The following DPP8 variants were observed in gnomAD, a reference collection of about 807,000 sequenced individuals.
The protein encoded by DPP8 is DPP VIII.
DPP8 carries 31 observed loss-of-function variants against 107.5 expected under a neutral mutation model. That is an observed-to-expected ratio of 0.29 (90% CI 0.22 to 0.39). The LOEUF (loss-of-function observed/expected upper bound fraction) is 0.39, where lower values mean the gene tolerates loss of function less well. Ranked by LOEUF, DPP8 falls within the 10% of genes least tolerant of loss-of-function variation. The probability of loss-of-function intolerance (pLI) is 1.00; values close to 1 mark genes in which losing one functional copy is unlikely to be tolerated. For synonymous variants in DPP8, 381 were observed against 356.6 expected (o/e 1.07, Z -0.77); for missense variants, 842 against 1,076.1 (o/e 0.78, Z 3.04).
rs1270279189 is a variant in DPP8 at position 65,448,876 on chromosome 15, A to ATGTGTG, written c.2527-1871_2527-1870insCACACA. ...ACATATATATCTAAAATATATATAT[A>ATGTGTG]TATATATATATATATATATATATAT... On this transcript the variant is annotated intron_variant, in intron 19 of 19. Coordinates refer to ENST00000300141, the MANE Select transcript of DPP8 (RefSeq NM_130434.5). Among the ~76,000 whole-genome samples, 195 of 30,498 alleles carry ATGTGTG rather than the reference A, an allele frequency of 6.4e-3. 10 individuals carry two copies. The highest frequency in any genetic ancestry group is 0.032 in the African/African-American group (163 of 5,168). The allele number at this position is 30,498 out of a possible 152,430, so 20.0% of individuals were successfully genotyped here.
rs1474387233 is a variant in DPP8, at chr15:65,479,006, G to C, written c.1330C>G (p.His444Asp). The C allele has an allele frequency of 3.2e-6, 5 of 1,584,852 alleles. No individual in the cohort carries two copies. The South Asian group carries it at 4.7e-5, about 15-fold the overall frequency. ...HDIFHVFPQS[H>D]EEEIEFIFAS... Reference sequence around the variant, plus strand: ...AAAATAAACTCAATTTCCTCTTCGTGACTTTGGGGAAAAACATGAAAGATG... The same window carrying C: ...AAAATAAACTCAATTTCCTCTTCGTCACTTTGGGGAAAAACATGAAAGATG... The change falls in exon 11 of 20, where the codon CAC becomes GAC. Residue 444 changes from histidine (H) to aspartate (D), a missense_variant. By Grantham distance (81) the His-to-Asp change is moderately conservative. Around this residue, in one of 2 missense-constraint regions of DPP8, gnomAD observed 663 missense variants for 758.0 expected, o/e 0.87. Transcript: ENST00000300141.
At position 65,508,387 on chromosome 15, in the gene DPP8, G is replaced by C. The variant is rs189783964; in HGVS notation, c.260-1032C>G. On this transcript the variant is annotated intron_variant, in intron 2 of 19. Coordinates refer to ENST00000300141, the MANE Select transcript of DPP8 (RefSeq NM_130434.5). ...TTATTGGGGAAGGGCAAAGGAAAAA[G>C]GTCTAAATTAAGTAGAAGCCAAATC... 3.0e-3 allele frequency among the ~76,000 whole-genome samples: 459 copies of C among 152,266 alleles called. 1 individual carries two copies. Among genetic ancestry groups the C allele is most frequent in the Non-Finnish European group, 4.6e-3 (313 of 68,036 alleles).
chr15:65,516,339 C>T (rs541332341), intron 1 of DPP8: 1 of 151,894 alleles, frequency 6.6e-6, no homozygotes, highest in South Asian at 2.1e-4. Context: ...ATCTTAAGTG[C>T]ATTCCATTTT....
rs377350851 is a variant in DPP8 at position 65,481,575 on chromosome 15, T to C, written c.1058A>G (p.Glu353Gly). The C allele has an allele frequency of 8.4e-5, 133 of 1,590,050 alleles. No individual in the cohort carries two copies. Among genetic ancestry groups the C allele is most frequent in the Non-Finnish European group, 1.1e-4 (132 of 1,170,438 alleles). ...ATATTCAACTCCTTCAAATAGAATC[T>C]CAAAAGGTTGAATTAGTTCCTTATC... Reference protein sequence around the residue: ...VIDKELIQPFEILFEGVEYIA... With the variant: ...VIDKELIQPFGILFEGVEYIA... Residue 353 changes from glutamate to glycine, a missense_variant, in exon 9 of 20, where the codon GAG becomes GGG. Transcript: ENST00000300141.
At chr15:65,474,543 T>C (rs1332996665) in intron 11 of DPP8, among the ~76,000 whole-genome samples, 1 of 152,200 alleles carries the variant, frequency 6.6e-6, no homozygotes, top group Non-Finnish European at 1.5e-5. Flanking sequence ...TGCAGCGGCA[T>C]GATCACAGCT....
intron 14 of DPP8, among the ~76,000 whole-genome samples, chr15:65,465,161 T>C (rs1050186955): frequency 2.7e-5 from 4 of 148,800 alleles, no homozygotes; most frequent in African/African-American, 1.0e-4. Flanking sequence ...TACTAATTTG[T>C]TTTTTCTTTT....
In DPP8 at chr15:65,445,683, T is replaced by G. The variant is rs968271198; in HGVS notation, c.*1201A>C. 1 of 153,282 alleles carries G rather than the reference T, an allele frequency of 6.5e-6. No individual in the cohort carries two copies. The highest frequency in any genetic ancestry group is 1.5e-5 in the Non-Finnish European group (1 of 67,984). 9.5% of individuals were successfully genotyped at this position (153,282 alleles called of 1,614,324 possible). A position where few individuals can be genotyped will look rare whatever the true frequency, so the allele number is the denominator to read the frequency against. ...TTTAAAAGGATAAAGTTTAAATTTG[T>G]AAGATTTCTAAACCTAAGAGGAAAA... On this transcript the variant is annotated 3_prime_UTR_variant, in exon 20 of 20. Coordinates refer to ENST00000300141, the MANE Select transcript of DPP8 (RefSeq NM_130434.5).
chr15:65,490,153 A>T, intron 6 of DPP8, 36 bp downstream of exon 6: 1 of 1,034,198 alleles, frequency 9.7e-7, no homozygotes, highest in Non-Finnish European at 1.5e-6. Flanking sequence ...ACAATACTTT[A>T]ATTGACCCAT....
intron 6 of DPP8, among the ~76,000 whole-genome samples, chr15:65,488,060 A>T (rs1258663013): frequency 6.6e-6 from 1 of 152,196 alleles, no homozygotes; most frequent in Non-Finnish European, 1.5e-5. Flanking sequence ...AAAACAGGGA[A>T]AAACATTTTT....
chr15:65,463,276 C>T (rs1412030049), intron 15 of DPP8, among the ~76,000 whole-genome samples: 4 of 152,192 alleles, frequency 2.6e-5, no homozygotes, highest in Non-Finnish European at 4.4e-5. Flanking sequence ...CGGTGGCTCA[C>T]GCCTGTAATC....
chr15:65,502,465 G>A (rs975130774), intron 3 of DPP8, among the ~76,000 whole-genome samples: 8 of 152,158 alleles, frequency 5.3e-5, no homozygotes, highest in African/African-American at 1.7e-4. Context: ...ATCACCCGTG[G>A]TCAGGAGTTC....
Position 65,467,137 on chromosome 15 carries a change from G to A in DPP8, c.1623C>T (p.Tyr541=), listed in dbSNP as rs531015904. ...GCCTTGTCACCTCTCCAGGATTTAC[G>A]TAACTGACTACGTACAGGTGATGCT... is the stretch of plus-strand genomic sequence containing the variant. ...PLEHHLYVVS[Y]VNPGEVTRLT... Residue 541 remains tyrosine (Y), a synonymous_variant, in exon 13 of 20, where the codon TAC becomes TAT. Coordinates refer to ENST00000300141, the MANE Select transcript of DPP8 (RefSeq NM_130434.5). 32 of 1,614,110 alleles carry A rather than the reference G, an allele frequency of 2.0e-5. No homozygotes were observed. Among genetic ancestry groups the A allele is most frequent in the African/African-American group, 5.3e-5 (4 of 75,034 alleles).
chr15:65,478,872 T>C lies in DPP8; in HGVS notation c.1456+8A>G. 1 of 1,551,486 alleles carries C rather than the reference T, an allele frequency of 6.4e-7. No individual in the cohort carries two copies. Among genetic ancestry groups the C allele is most frequent in the Non-Finnish European group, 8.7e-7 (1 of 1,155,314 alleles). On this transcript the variant is annotated splice_region_variant and intron_variant, in intron 11 of 19. Transcript: ENST00000300141. ...TTTTCTTTTTTTAAAATAAAATGGA[T>C]TTCTTACTTGGAGCAGGCAGCCCAC...
intron 7 of DPP8, among the ~76,000 whole-genome samples, chr15:65,486,278 T>C (rs1457226287): frequency 6.6e-6 from 1 of 151,174 alleles, no homozygotes; most frequent in Non-Finnish European, 1.5e-5. Flanking sequence ...GGCGGGCGCC[T>C]GTAATCCCAG....
At chr15:65,488,603 C>CAAAAAA (rs1166493197) in intron 6 of DPP8, among the ~76,000 whole-genome samples, 869 of 45,280 alleles carry the variant, frequency 0.019, 34 homozygotes, top group African/African-American at 0.071. Context: ...GACCCTGCCT[C>CAAAAAA]AAAAAAAAAA....
chr15:65,497,182 C>T (rs907901492), intron 5 of DPP8, among the ~76,000 whole-genome samples: 2 of 151,908 alleles, frequency 1.3e-5, no homozygotes, highest in Non-Finnish European at 2.9e-5. Context: ...TGAGCCACCA[C>T]GCCCGGCCTC....
At chr15:65,456,164 C>T (rs920658789) in intron 16 of DPP8, 61 bp downstream of exon 16, 20 of 1,567,722 alleles carry the variant, frequency 1.3e-5, no homozygotes, top group Non-Finnish European at 1.7e-5. Flanking sequence ...GGGTTTCACA[C>T]CAAACAATGG....
At chr15:65,489,727 A>C (rs1350635490) in intron 6 of DPP8, among the ~76,000 whole-genome samples, 4 of 145,706 alleles carry the variant, frequency 2.7e-5, no homozygotes, top group Non-Finnish European at 6.0e-5. Context: ...CATAATGTAC[A>C]TATTTTTGAG....
chr15:65,501,040 G>T (rs750022915), intron 3 of DPP8, among the ~76,000 whole-genome samples: 3 of 151,984 alleles, frequency 2.0e-5, no homozygotes, highest in Non-Finnish European at 4.4e-5. Flanking sequence ...ACCACGCCCA[G>T]CTAATTTTTT....
Sources: allele counts gnomAD v4.1 joint callset (sites outside exome capture counted in the v4.1 genomes callset), GRCh38; gene constraint gnomAD v4.1.1; regional missense constraint gnomAD v4.1.1; transcripts MANE v1.5; gene names NCBI Gene and HGNC (gene_info 2026-07-23, HGNC 2026-07-21).